Variants in PARP14 observed in about 807,000 individuals in gnomAD.
PARP14 encodes the protein protein mono-ADP-ribosyltransferase PARP14.
Under a neutral mutation model 154.2 loss-of-function variants are expected in PARP14, and 59 were observed. The ratio of observed to expected loss-of-function variants is 0.38; its 90% confidence interval spans 0.31 to 0.48. The LOEUF (loss-of-function observed/expected upper bound fraction) is 0.48, where lower values mean the gene tolerates loss of function less well. Ranked by LOEUF, PARP14 falls within the 20% of genes least tolerant of loss-of-function variation. The pLI is 0.98. For missense variants in PARP14, 1,734 were observed against 2,131.6 expected (o/e 0.81, Z 3.67); for synonymous variants, 720 against 780.5 (o/e 0.92, Z 1.29).
rs1333662828 is a variant in PARP14, at chr3:122,701,945, C to T, written c.3081+310C>T. Among the ~76,000 whole-genome samples the T allele has an allele frequency of 2.6e-5, 4 of 152,164 alleles. No homozygotes were observed. The highest frequency in any genetic ancestry group is 2.1e-4 in the South Asian group (1 of 4,828). ...ACAGTTCTCTATACCTTACACCTGC[C>T]GTGTTTTGGTAAATCTAAGACTAAT... On this transcript the variant is annotated intron_variant, in intron 6 of 16. Transcript: ENST00000474629. This position sits in a 1 kb window ranked among gnomAD's most constrained non-coding sequence, Gnocchi z 4.0.
At chr3:122,726,200 A>G (rs1212170108) in intron 15 of PARP14, among the ~76,000 whole-genome samples, 1 of 152,180 alleles carries the variant, frequency 6.6e-6, no homozygotes, top group Non-Finnish European at 1.5e-5. Context: ...GTGTCCTTCA[A>G]TTCTTCCTAT....
intron 9 of PARP14, among the ~76,000 whole-genome samples, chr3:122,711,019 C>CGT (rs1206903280): frequency 2.6e-4 from 39 of 151,702 alleles, no homozygotes; most frequent in Admixed American, 4.6e-4. Flanking sequence ...AGTATACAAT[C>CGT]ATATTATCTG....
intron 6 of PARP14, among the ~76,000 whole-genome samples, chr3:122,703,011 C>CAAAAAAAAAAAAAAAAAAAAAAAAAA (rs1185336732): frequency 3.0e-5 from 2 of 67,378 alleles, no homozygotes; most frequent in African/African-American, 5.5e-5. Flanking sequence ...AAAAAAAAAA[C>CAAAAAAAAAAAAAAAAAAAAAAAAAA]AAAAAAAAAA....
At chr3:122,696,674 T>G (rs140302224) in intron 5 of PARP14, among the ~76,000 whole-genome samples, 6 of 152,270 alleles carry the variant, frequency 3.9e-5, no homozygotes, top group African/African-American at 1.2e-4. Context: ...TCAAACATCT[T>G]TAGGGCATGG....
chr3:122,686,302 T>C (rs546070424), intron 2 of PARP14, among the ~76,000 whole-genome samples: 1 of 148,120 alleles, frequency 6.8e-6, no homozygotes, highest in African/African-American at 2.5e-5. Context: ...TGTAGGCACA[T>C]GCCACCACAC....
chr3:122,724,807 G>A (rs1347044881), intron 15 of PARP14, among the ~76,000 whole-genome samples: 1 of 152,182 alleles, frequency 6.6e-6, no homozygotes. Flanking sequence ...GCCTTCCGCA[G>A]TGTTTGTGTC....
Position 122,681,156 on chromosome 3 carries a change from A to C in PARP14, c.187+86A>C, listed in dbSNP as rs1576576159. The C allele has an allele frequency of 1.8e-5, 9 of 497,130 alleles. No individual in the cohort carries two copies. Among genetic ancestry groups the C allele is most frequent in the South Asian group, 1.7e-4 (5 of 28,998 alleles). The allele number at this position is 497,130 out of a possible 1,614,324, so 30.8% of individuals were successfully genotyped here. ...GCGGCAGGGCACGCACGGGAGGGTG[A>C]CCCGCCCGACTTCGGCGGCTGCTGT... is the stretch of plus-strand genomic sequence containing the variant. On this transcript the variant is annotated intron_variant, in intron 1 of 16. Coordinates refer to ENST00000474629, the MANE Select transcript of PARP14 (RefSeq NM_017554.3). This position sits in a 1 kb window ranked among gnomAD's most constrained non-coding sequence, Gnocchi z 5.5.
At chr3:122,682,602 T>C (rs1267596718) in intron 1 of PARP14, among the ~76,000 whole-genome samples, 1 of 152,028 alleles carries the variant, frequency 6.6e-6, no homozygotes, top group African/African-American at 2.4e-5. Flanking sequence ...ATAAAATAAC[T>C]CAATTCTAGC....
At chr3:122,706,938 C>T (rs987645876) in intron 8 of PARP14, among the ~76,000 whole-genome samples, 12 of 152,070 alleles carry the variant, frequency 7.9e-5, no homozygotes, top group South Asian at 2.1e-4. Context: ...AAATTAAAAA[C>T]GGAAGTGTTT....
Position 122,713,457 on chromosome 3 carries a change from G to T in PARP14, c.3653G>T (p.Gly1218Val), listed in dbSNP as rs771049216. 1.2e-6 allele frequency: 2 copies of T among 1,613,652 alleles called. No individual in the cohort carries two copies. The highest frequency in any genetic ancestry group is 1.7e-6 in the Non-Finnish European group (2 of 1,179,638). The change falls in exon 10 of 17, where the codon GGT (glycine) becomes GTT (valine). Residue 1218 changes from glycine to valine, a missense_variant. By Grantham distance (109) the Gly-to-Val change is moderately radical. Around this residue, in one of 2 missense-constraint regions of PARP14, gnomAD observed 1,646 missense variants for 1,976.0 expected, o/e 0.83. Transcript: ENST00000474629. ...FYGTVSSPDS[G>V]VYEMKIGSII... ...GGGACTGTTTCTAGCCCTGATTCAG[G>T]TGTGTATGAAATGAAGATTGGCTCC...
At chr3:122,719,670 T>C (rs892561833) in intron 14 of PARP14, among the ~76,000 whole-genome samples, 3 of 152,164 alleles carry the variant, frequency 2.0e-5, no homozygotes, top group Non-Finnish European at 4.4e-5. Flanking sequence ...TGAGCAACCC[T>C]GGGGAAATGA....
chr3:122,724,629 T>G (rs1933242401), intron 15 of PARP14, among the ~76,000 whole-genome samples: 2 of 151,810 alleles, frequency 1.3e-5, no homozygotes, highest in Non-Finnish European at 2.9e-5. Flanking sequence ...AATTAAAATT[T>G]AATGTTGAAA....
At chr3:122,713,785 A>C (rs1302406154) in intron 10 of PARP14, 87 bp from the exon 11 acceptor site, 6 of 998,522 alleles carry the variant, frequency 6.0e-6, no homozygotes, top group Non-Finnish European at 9.6e-6. Context: ...CAGATGATGG[A>C]GAATGCATTC....
intron 6 of PARP14, 149 bp from the exon 7 acceptor site, chr3:122,703,593 C>T (rs2107645887): frequency 1.7e-6 from 1 of 586,930 alleles, no homozygotes; most frequent in South Asian, 2.3e-5. Flanking sequence ...TATTTAGTCA[C>T]ACTTTGTCTT....
chr3:122,684,010 G>T (rs566584094), intron 1 of PARP14, among the ~76,000 whole-genome samples: 3 of 152,316 alleles, frequency 2.0e-5, no homozygotes, highest in Non-Finnish European at 4.4e-5. Flanking sequence ...TAAAGAGTGA[G>T]ATTAGAAGCT....
rs765486506 is a variant in PARP14 at position 122,700,112 on chromosome 3, G to A, written c.1558G>A (p.Ala520Thr). 51 of 1,613,614 alleles carry A rather than the reference G, an allele frequency of 3.2e-5. No homozygotes were observed. Among genetic ancestry groups the A allele is most frequent in the Middle Eastern group, 1.6e-4 (1 of 6,084 alleles). Reference sequence around the variant, plus strand: ...AGGACCTAGTGCAGATGTGTATAAAGCAAAGTGTGAAATCCAGGAAAAGGT... The same window carrying A: ...AGGACCTAGTGCAGATGTGTATAAAACAAAGTGTGAAATCCAGGAAAAGGT... Reference protein sequence around the residue: ...LKGPSADVYKAKCEIQEKVYT... With the variant: ...LKGPSADVYKTKCEIQEKVYT... The change falls in exon 6 of 17, where the codon GCA (alanine) becomes ACA (threonine). Residue 520 changes from alanine to threonine, a missense_variant. Coordinates refer to ENST00000474629, the MANE Select transcript of PARP14 (RefSeq NM_017554.3).
At chr3:122,697,530 T>G (rs1938816870) in intron 5 of PARP14, among the ~76,000 whole-genome samples, 1 of 152,234 alleles carries the variant, frequency 6.6e-6, no homozygotes, top group Non-Finnish European at 1.5e-5. Flanking sequence ...TTAATTTTTC[T>G]TATAGGATAT....
At chr3:122,690,304 T>C (rs1938498577) in intron 3 of PARP14, among the ~76,000 whole-genome samples, 1 of 152,156 alleles carries the variant, frequency 6.6e-6, no homozygotes, top group African/African-American at 2.4e-5. Context: ...TAAACACATA[T>C]AGCCTCCTCC....
intron 3 of PARP14, among the ~76,000 whole-genome samples, chr3:122,691,022 G>T (rs1368697189): frequency 6.6e-6 from 1 of 152,168 alleles, no homozygotes; most frequent in Non-Finnish European, 1.5e-5. Flanking sequence ...AGGCCTGAAG[G>T]TGGAATTCAC....
Sources: gnomAD v4.1 joint callset for allele counts (sites outside exome capture counted in the v4.1 genomes callset) on GRCh38, gnomAD v4.1.1 for gene constraint, gnomAD v4.1.1 regional missense constraint, Gnocchi (gnomAD v3.1) non-coding constraint, MANE v1.5 for transcripts, NCBI Gene and HGNC (gene_info 2026-07-23, HGNC 2026-07-21) for gene names.